Variants in CDK14 observed in about 807,000 individuals in gnomAD.
CDK14 encodes cyclin dependent kinase 14, also known as cyclin-dependent kinase 14.
CDK14 carries 34 observed loss-of-function variants against 60.7 expected under a neutral mutation model. The ratio of observed to expected loss-of-function variants is 0.56; its 90% CI spans 0.43 to 0.75. The LOEUF (loss-of-function observed/expected upper bound fraction) is 0.75, where lower values mean the gene tolerates loss of function less well. Ranked by LOEUF, CDK14 falls within the 30% of genes least tolerant of loss-of-function variation. CDK14 has a pLI of 0.00. For synonymous variants in CDK14, 197 were observed against 203.7 expected (o/e 0.97, Z 0.28); for missense variants, 482 against 564.1 (o/e 0.85, Z 1.47).
intron 2 of CDK14, among the ~76,000 whole-genome samples, chr7:90,674,656 A>G (rs73707454): frequency 0.013 from 2,045 of 152,264 alleles, 44 homozygotes; most frequent in African/African-American, 0.045. Flanking sequence ...AAATACCATA[A>G]AATGCATAAT....
intron 5 of CDK14, among the ~76,000 whole-genome samples, chr7:90,832,383 C>T (rs879300710): frequency 6.6e-6 from 1 of 152,144 alleles, no homozygotes; most frequent in Admixed American, 6.6e-5. Context: ...GGGAAAGTTA[C>T]ACATAAGAGA....
At chr7:90,887,566 A>T (rs17397692) in intron 6 of CDK14, among the ~76,000 whole-genome samples, 24,689 of 152,190 alleles carry the variant, frequency 0.16, 2,294 homozygotes, top group Middle Eastern at 0.28. Context: ...TATTTTTCAA[A>T]CTATTTCTCC....
At chr7:90,676,609 T>C (rs1360273187) in intron 2 of CDK14, among the ~76,000 whole-genome samples, 1 of 151,342 alleles carries the variant, frequency 6.6e-6, no homozygotes, top group Non-Finnish European at 1.5e-5. Flanking sequence ...CTCGGCTCAC[T>C]GCAGCCCCAA....
intron 14 of CDK14, among the ~76,000 whole-genome samples, chr7:91,171,935 C>T (rs1232237023): frequency 2.0e-5 from 3 of 152,216 alleles, no homozygotes; most frequent in South Asian, 4.1e-4. Context: ...CCACTGCACC[C>T]GGCCCATATT....
chr7:90,770,961 G>C (rs931504987), intron 4 of CDK14, among the ~76,000 whole-genome samples: 22 of 152,154 alleles, frequency 1.4e-4, no homozygotes, highest in African/African-American at 3.4e-4. Context: ...CAAGAGTCTT[G>C]CTTAGTCAGT....
At chr7:90,609,404 G>A (rs558152702) in intron 2 of CDK14, among the ~76,000 whole-genome samples, 2 of 152,108 alleles carry the variant, frequency 1.3e-5, no homozygotes, top group African/African-American at 4.8e-5. Flanking sequence ...GTGTTGGAAG[G>A]GGGGCCTGGT....
intron 5 of CDK14, among the ~76,000 whole-genome samples, chr7:90,823,892 A>T (rs1436127801): frequency 6.6e-6 from 1 of 152,208 alleles, no homozygotes; most frequent in Non-Finnish European, 1.5e-5. Flanking sequence ...TTCTATAAAG[A>T]TGGCACATAG....
intron 4 of CDK14, among the ~76,000 whole-genome samples, chr7:90,749,317 A>T (rs989129367): frequency 6.6e-6 from 1 of 151,980 alleles, no homozygotes; most frequent in Admixed American, 6.6e-5. Context: ...GCCCAGTCAG[A>T]TCTCCAAGCA....
chr7:90,761,415 C>T (rs572128485), intron 4 of CDK14, among the ~76,000 whole-genome samples: 1 of 152,102 alleles, frequency 6.6e-6, no homozygotes, highest in African/African-American at 2.4e-5. Context: ...CCTAAAACCC[C>T]TCTCCCAAAG....
At chr7:91,182,565 A>G (rs905612437) in intron 14 of CDK14, among the ~76,000 whole-genome samples, 1 of 151,986 alleles carries the variant, frequency 6.6e-6, no homozygotes, top group East Asian at 1.9e-4. Context: ...TTAAAAAAAT[A>G]GGATATATAT....
At chr7:90,914,090 T>G (rs1209094278) in intron 7 of CDK14, among the ~76,000 whole-genome samples, 1 of 152,178 alleles carries the variant, frequency 6.6e-6, no homozygotes, top group Non-Finnish European at 1.5e-5. Flanking sequence ...TATATTGTCT[T>G]TCTCGGAATT....
chr7:90,920,861 A>G (rs899461471), intron 8 of CDK14, among the ~76,000 whole-genome samples: 3 of 152,204 alleles, frequency 2.0e-5, no homozygotes, highest in Non-Finnish European at 4.4e-5. Context: ...GGTAAACCAG[A>G]TGATAGTGAA....
intron 10 of CDK14, among the ~76,000 whole-genome samples, chr7:91,014,738 G>T (rs561731955): frequency 5.9e-4 from 90 of 152,308 alleles, no homozygotes; most frequent in African/African-American, 2.0e-3. Flanking sequence ...ACTAATAGAA[G>T]TTTGTTCGAT....
intron 14 of CDK14, among the ~76,000 whole-genome samples, chr7:91,198,442 TGTACAATAAACA>T (rs1391683291): frequency 6.6e-6 from 1 of 152,174 alleles, no homozygotes; most frequent in Non-Finnish European, 1.5e-5. Context: ...CCAGGAAGAT[TGTACAATAAACA>T]GTTAATTCCA....
intron 11 of CDK14, among the ~76,000 whole-genome samples, chr7:91,063,580 T>A (rs1339521801): frequency 6.6e-6 from 1 of 152,152 alleles, no homozygotes; most frequent in Non-Finnish European, 1.5e-5. Context: ...CAATTAATAA[T>A]CTCTCAACTG....
At chr7:90,659,837 T>TTCTCTC (rs58582287) in intron 2 of CDK14, among the ~76,000 whole-genome samples, 9,118 of 109,524 alleles carry the variant, frequency 0.083, 379 homozygotes, top group Admixed American at 0.099. Context: ...CAGGGAATGC[T>TTCTCTC]TCTCTCTCTC....
intron 4 of CDK14, among the ~76,000 whole-genome samples, chr7:90,752,204 A>G (rs1335875675): frequency 6.6e-6 from 1 of 152,150 alleles, no homozygotes; most frequent in African/African-American, 2.4e-5. Flanking sequence ...TATTCCACTC[A>G]TCAACCACAG....
At chr7:90,641,300 C>T (rs983515244) in intron 2 of CDK14, among the ~76,000 whole-genome samples, 4 of 151,932 alleles carry the variant, frequency 2.6e-5, no homozygotes, top group African/African-American at 9.7e-5. Flanking sequence ...GAAATGAAAA[C>T]GTGTCGACAC....
chr7:90,946,399 C>A (rs1480355367), intron 8 of CDK14, among the ~76,000 whole-genome samples: 1 of 152,090 alleles, frequency 6.6e-6, no homozygotes. Flanking sequence ...ATGTGCATAT[C>A]TTTTAATAGG....
Sources: allele counts gnomAD v4.1 joint callset (sites outside exome capture counted in the v4.1 genomes callset), GRCh38; gene constraint gnomAD v4.1.1; transcripts MANE v1.5; gene names NCBI Gene and HGNC (gene_info 2026-07-23, HGNC 2026-07-21).